DIAPH2: variants seen among roughly 807,000 people sequenced by gnomAD.
DIAPH2 encodes the protein diaphanous related formin 2.
In DIAPH2, 35 loss-of-function variants were observed where a neutral mutation model predicts 92.7. That is an observed-to-expected ratio of 0.38 (90% CI 0.29 to 0.50). DIAPH2 has a LOEUF of 0.50. DIAPH2 is among the 20% of genes least tolerant of loss of function. The pLI is 0.94. For missense variants in DIAPH2, 701 were observed against 819.5 expected, an observed-to-expected ratio of 0.86 and a Z score of 1.77; for synonymous variants, 301 against 280.4, an observed-to-expected ratio of 1.07 and a Z score of -0.73.
At chrX:97,545,543 T>C (rs865874501) in intron 26 of DIAPH2, among the ~76,000 whole-genome samples, 3 of 102,140 alleles carry the variant, frequency 2.9e-5, no homozygotes, top group Non-Finnish European at 5.9e-5. Context: ...AATATATATA[T>C]ATATATATAT....
At chrX:97,082,435 C>A (rs1219063917) in intron 19 of DIAPH2, among the ~76,000 whole-genome samples, 2 of 100,803 alleles carry the variant, frequency 2.0e-5, no homozygotes, top group African/African-American at 7.4e-5. Flanking sequence ...GCCTGACCAA[C>A]GTAATGAAAC....
chrX:96,775,731 C>T (rs1474009901), intron 4 of DIAPH2, among the ~76,000 whole-genome samples: 1 of 111,063 alleles, frequency 9.0e-6, no homozygotes, highest in African/African-American at 3.3e-5. Flanking sequence ...GGCTCTCTCT[C>T]TTAATGGCTA....
At chrX:97,406,580 C>G (rs1327182352) in intron 25 of DIAPH2, among the ~76,000 whole-genome samples, 2 of 111,487 alleles carry the variant, frequency 1.8e-5, no homozygotes, top group Non-Finnish European at 3.8e-5. Context: ...TATTGAAGAC[C>G]CAGGATTCCA....
At chrX:97,273,088 G>C (rs1186812253) in intron 23 of DIAPH2, among the ~76,000 whole-genome samples, 2 of 112,028 alleles carry the variant, frequency 1.8e-5, no homozygotes, top group African/African-American at 6.5e-5. Context: ...CCGGGAGGTG[G>C]AGGTTGTGGT....
chrX:97,338,980 T>G (rs1250598181), intron 23 of DIAPH2, among the ~76,000 whole-genome samples: 1 of 111,916 alleles, frequency 8.9e-6, no homozygotes, highest in South Asian at 3.8e-4. Context: ...AAATGTACAT[T>G]AAAGTATAAA....
intron 26 of DIAPH2, among the ~76,000 whole-genome samples, chrX:97,505,353 C>A (rs997143889): frequency 2.7e-5 from 3 of 111,773 alleles, no homozygotes; most frequent in Non-Finnish European, 5.6e-5. Context: ...GGGGAAAAAA[C>A]CCAAAGACTC....
At chrX:97,243,506 A>G (rs2068115251) in intron 22 of DIAPH2, among the ~76,000 whole-genome samples, 1 of 111,322 alleles carries the variant, frequency 9.0e-6, no homozygotes, top group Admixed American at 9.6e-5. Flanking sequence ...AAAGATAAAC[A>G]CTTTACATAA....
At chrX:96,795,398 T>C (rs1422057691) in intron 4 of DIAPH2, among the ~76,000 whole-genome samples, 5 of 111,845 alleles carry the variant, frequency 4.5e-5, no homozygotes, top group Non-Finnish European at 9.4e-5. Flanking sequence ...GTTCCAGTTA[T>C]GCTTGAAAAA....
chrX:97,583,175 G>C (rs968149844), intron 26 of DIAPH2, among the ~76,000 whole-genome samples: 1 of 112,101 alleles, frequency 8.9e-6, no homozygotes, highest in Non-Finnish European at 1.9e-5. Context: ...CTCTCAGCTC[G>C]TCGAAGTCAT....
intron 19 of DIAPH2, among the ~76,000 whole-genome samples, chrX:97,079,026 C>T (rs1264735638): frequency 9.0e-6 from 1 of 111,311 alleles, no homozygotes; most frequent in Non-Finnish European, 1.9e-5. Flanking sequence ...AAATTGGTGA[C>T]TCACAGGCAT....
intron 17 of DIAPH2, among the ~76,000 whole-genome samples, chrX:96,968,447 G>A (rs1218421690): frequency 2.7e-5 from 3 of 110,758 alleles, no homozygotes; most frequent in Admixed American, 9.6e-5. Context: ...TCGAACTCCC[G>A]ACCTCAGGTG....
chrX:97,085,047 G>C (rs1175639669), intron 19 of DIAPH2, among the ~76,000 whole-genome samples: 2 of 111,132 alleles, frequency 1.8e-5, no homozygotes, highest in Non-Finnish European at 3.8e-5. Flanking sequence ...CATAATTTGA[G>C]GTCCTTAAGG....
chrX:97,393,902 T>G (rs143468371), intron 25 of DIAPH2, among the ~76,000 whole-genome samples: 1,630 of 112,068 alleles, frequency 0.015, 26 homozygotes, highest in African/African-American at 0.049. Flanking sequence ...GCCTGTTTAC[T>G]TCTAGTGTCA....
chrX:96,867,640 G>A (rs1176739714), intron 4 of DIAPH2, among the ~76,000 whole-genome samples: 1 of 111,747 alleles, frequency 8.9e-6, no homozygotes, highest in Non-Finnish European at 1.9e-5. Flanking sequence ...TATCACAAAA[G>A]GCTTGAATAA....
At chrX:97,493,522 A>G (rs2070737601) in intron 26 of DIAPH2, among the ~76,000 whole-genome samples, 2 of 110,958 alleles carry the variant, frequency 1.8e-5, no homozygotes, top group Non-Finnish European at 3.8e-5. Flanking sequence ...CAGCCTCCCA[A>G]ACTGCTGGGA....
At chrX:97,542,657 G>T (rs951582405) in intron 26 of DIAPH2, among the ~76,000 whole-genome samples, 4 of 111,373 alleles carry the variant, frequency 3.6e-5, no homozygotes, top group Admixed American at 1.9e-4. Flanking sequence ...TTAGCTTTTT[G>T]CCCTTTCACA....
chrX:96,895,377 A>C (rs914707137), intron 5 of DIAPH2, among the ~76,000 whole-genome samples: 2 of 111,836 alleles, frequency 1.8e-5, no homozygotes, highest in Non-Finnish European at 3.8e-5. Flanking sequence ...GATAAATGTG[A>C]ATTATCAAAT....
intron 23 of DIAPH2, among the ~76,000 whole-genome samples, chrX:97,288,841 T>C: frequency 9.0e-6 from 1 of 111,442 alleles, no homozygotes; most frequent in South Asian, 3.8e-4. Context: ...TTGTCCTCCT[T>C]GATTACCTAG....
intron 1 of DIAPH2, among the ~76,000 whole-genome samples, chrX:96,723,813 G>T (rs2064003097): frequency 9.0e-6 from 1 of 110,804 alleles, no homozygotes; most frequent in African/African-American, 3.3e-5. Flanking sequence ...TAATTGAAGA[G>T]AAGTTAATTT....
Sources: allele counts gnomAD v4.1 joint callset (sites outside exome capture counted in the v4.1 genomes callset), GRCh38; gene constraint gnomAD v4.1.1; transcripts MANE v1.5; gene names NCBI Gene and HGNC (gene_info 2026-07-23, HGNC 2026-07-21).